ABI3BP: variants seen among roughly 807,000 people sequenced by gnomAD.
ABI3BP encodes target of Nesh-SH3.
In ABI3BP, 216 loss-of-function variants were observed where a neutral mutation model predicts 268.6. That is an observed-to-expected ratio of 0.80 (90% confidence interval 0.72 to 0.90). The LOEUF is 0.90. Ranked by LOEUF, ABI3BP falls within the 40% of genes least tolerant of loss-of-function variation. The probability of loss-of-function intolerance (pLI) is 0.00; values close to 1 mark genes in which losing one functional copy is unlikely to be tolerated. For synonymous variants in ABI3BP, 730 were observed against 730.0 expected (o/e 1.00, Z 0.00); for missense variants, 2,090 against 2,182.4 (o/e 0.96, Z 0.84).
At chr3:100,884,749 C>T (rs1166164496) in intron 6 of ABI3BP, among the ~76,000 whole-genome samples, 1 of 68,812 alleles carries the variant, frequency 1.5e-5, no homozygotes, top group African/African-American at 3.9e-5. Context: ...ACCAAATTCC[C>T]TTCTTCTCAC....
At chr3:100,812,221 T>C (rs376246357) in intron 46 of ABI3BP, among the ~76,000 whole-genome samples, 23 of 152,114 alleles carry the variant, frequency 1.5e-4, no homozygotes, top group African/African-American at 5.3e-4. Flanking sequence ...GAAAGAGCAA[T>C]CAGAAAAGGT....
intron 45 of ABI3BP, among the ~76,000 whole-genome samples, chr3:100,813,064 A>G (rs896801088): frequency 6.6e-6 from 1 of 152,082 alleles, no homozygotes; most frequent in African/African-American, 2.4e-5. Flanking sequence ...TATCTTTTGT[A>G]GAGTTGGGGT....
At chr3:100,849,895 G>C in intron 17 of ABI3BP, 150 bp downstream of exon 17, 2 of 651,572 alleles carry the variant, frequency 3.1e-6, no homozygotes, top group South Asian at 4.0e-5. Flanking sequence ...TAAGTAGTCA[G>C]ATTCTTGGAA....
intron 2 of ABI3BP, among the ~76,000 whole-genome samples, chr3:100,903,918 A>T (rs1306105857): frequency 1.3e-5 from 2 of 152,170 alleles, no homozygotes; most frequent in Non-Finnish European, 2.9e-5. Context: ...CACCACACAG[A>T]TAAAGGAGCA....
rs2245370 is a variant in ABI3BP, at chr3:100,898,836, C to A, written c.387G>T (p.Ser129=). ...QLVVGTLTPS[S]VFLSWGFLIN... ...TGAGGAAACCCCAGGACAGGAAGAC[C>A]GAGCTCGGTGTCAGAGTGCCAACCA... Residue 129 remains serine (S), a synonymous_variant, in exon 4 of 68, where the codon TCG becomes TCT. Transcript: ENST00000471714. 1.2e-6 allele frequency: 2 copies of A among 1,613,448 alleles called. No individual in the cohort carries two copies. The highest frequency in any genetic ancestry group is 1.7e-6 in the Non-Finnish European group (2 of 1,179,710).
chr3:100,816,910 T>G, intron 42 of ABI3BP, 142 bp from the exon 43 acceptor site: 5 of 643,934 alleles, frequency 7.8e-6, no homozygotes, highest in Non-Finnish European at 1.3e-5. Context: ...GTTAATTTTC[T>G]TAATCACTGA....
chr3:100,968,354 CT>C (rs1329731075), intron 1 of ABI3BP, among the ~76,000 whole-genome samples: 16 of 152,164 alleles, frequency 1.1e-4, no homozygotes, highest in Non-Finnish European at 1.9e-4. Flanking sequence ...AATTTGTACA[CT>C]TTTTTCACTT....
intron 53 of ABI3BP, among the ~76,000 whole-genome samples, 194 bp from the exon 54 acceptor site, chr3:100,795,197 A>T (rs924701243): frequency 6.6e-6 from 1 of 152,078 alleles, no homozygotes; most frequent in African/African-American, 2.4e-5. Flanking sequence ...ACCAGGACAC[A>T]TACTACATGA....
At chr3:100,913,475 C>T (rs983724702) in intron 2 of ABI3BP, among the ~76,000 whole-genome samples, 1 of 152,234 alleles carries the variant, frequency 6.6e-6, no homozygotes, top group East Asian at 1.9e-4. Flanking sequence ...GGAAGGATGG[C>T]GTCACTTCTG....
At position 100,829,652 on chromosome 3, in the gene ABI3BP, G is replaced by GCA. The variant is rs2098450405; in HGVS notation, c.2470_2471insTG (p.Pro824LeufsTer16). On this transcript the variant is annotated frameshift_variant, in exon 33 of 68. Transcript: ENST00000471714. LOFTEE classifies it high-confidence loss of function. ...GGGATGTGGACGATGAGTTCGTTGAGGCACTTTGGGAGCTAAAGGAAGAAA... is the reference window on the plus strand; with the variant it reads ...GGGATGTGGACGATGAGTTCGTTGAGCAGCACTTTGGGAGCTAAAGGAAGAAA... The GCA allele has an allele frequency of 6.5e-7, 1 of 1,535,464 alleles. No homozygotes were observed. Among genetic ancestry groups the GCA allele is most frequent in the African/African-American group, 1.4e-5 (1 of 73,078 alleles).
chr3:100,757,431 A>G (rs2095680023), intron 63 of ABI3BP, among the ~76,000 whole-genome samples: 1 of 152,218 alleles, frequency 6.6e-6, no homozygotes, highest in African/African-American at 2.4e-5. Context: ...CAGAATCAGG[A>G]TGACATTTGA....
chr3:100,864,439 C>A, intron 11 of ABI3BP: 1 of 330,194 alleles, frequency 3.0e-6, no homozygotes, highest in Admixed American at 4.4e-5. Flanking sequence ...GGATTCTTCC[C>A]AAATTTAGTA....
intron 2 of ABI3BP, among the ~76,000 whole-genome samples, chr3:100,919,008 C>T (rs954154152): frequency 3.9e-5 from 6 of 152,164 alleles, no homozygotes; most frequent in African/African-American, 1.4e-4. Context: ...ATCTTGCATC[C>T]GTATCGAGTC....
intron 19 of ABI3BP, 66 bp downstream of exon 19, chr3:100,847,536 G>T: frequency 7.5e-7 from 1 of 1,338,010 alleles, no homozygotes; most frequent in Non-Finnish European, 1.1e-6. Context: ...TTACATAAAA[G>T]CTGGGGTACT....
At chr3:100,825,323 A>G (rs1022462868) in intron 35 of ABI3BP, among the ~76,000 whole-genome samples, 4 of 152,180 alleles carry the variant, frequency 2.6e-5, no homozygotes, top group Non-Finnish European at 5.9e-5. Context: ...TTGTCAAACT[A>G]GTAATAAGAC....
intron 52 of ABI3BP, 107 bp downstream of exon 52, chr3:100,796,302 T>C (rs1212517127): frequency 1.8e-5 from 15 of 839,464 alleles, no homozygotes; most frequent in Non-Finnish European, 2.7e-5. Flanking sequence ...CCATATTTTT[T>C]CTCTAAATTT....
At chr3:100,835,686 A>G (rs2152857878) in intron 27 of ABI3BP, 26 bp from the exon 28 acceptor site, 6 of 1,503,300 alleles carry the variant, frequency 4.0e-6, no homozygotes, top group Non-Finnish European at 5.4e-6. Flanking sequence ...ACAATAAACA[A>G]TGGAGATTAA....
chr3:100,862,625 A>G (rs543177962), intron 13 of ABI3BP: 341 of 584,004 alleles, frequency 5.8e-4, no homozygotes, highest in Non-Finnish European at 9.4e-4. Context: ...AAGGACAAAA[A>G]GCTAAGTGGA....
intron 20 of ABI3BP, chr3:100,843,564 AGAGG>A (rs2098734067): frequency 5.1e-6 from 5 of 973,482 alleles, no homozygotes; most frequent in Admixed American, 1.3e-4. Flanking sequence ...AGAGAGAGAG[AGAGG>A]GAAGGGGAGA....
Sources: gnomAD v4.1 joint callset for allele counts (sites outside exome capture counted in the v4.1 genomes callset) on GRCh38, gnomAD v4.1.1 for gene constraint, MANE v1.5 for transcripts, NCBI Gene and HGNC (gene_info 2026-07-23, HGNC 2026-07-21) for gene names.